The following SYT16 variants were observed in gnomAD, a reference collection of about 807,000 sequenced individuals.
SYT16 encodes synaptotagmin 16.
Under a neutral mutation model 61.4 loss-of-function variants are expected in SYT16, and 42 were observed. That is an observed-to-expected ratio of 0.68 (90% CI 0.53 to 0.89). The LOEUF is 0.89. Ranked by LOEUF, SYT16 falls within the 40% of genes least tolerant of loss-of-function variation. The pLI is 0.00. For synonymous variants in SYT16, 314 were observed against 302.3 expected, an observed-to-expected ratio of 1.04 and a Z score of -0.40; for missense variants, 804 against 807.3, an observed-to-expected ratio of 1.00 and a Z score of 0.05.
At chr14:61,924,342 G>A (rs1384966961) in intron 1 of SYT16, among the ~76,000 whole-genome samples, 1 of 152,166 alleles carries the variant, frequency 6.6e-6, no homozygotes, top group Non-Finnish European at 1.5e-5. Flanking sequence ...CAGCACATTA[G>A]GATATGTAAG....
intron 3 of SYT16, among the ~76,000 whole-genome samples, chr14:62,031,950 T>C (rs1218903223): frequency 6.6e-6 from 1 of 152,150 alleles, no homozygotes; most frequent in South Asian, 2.1e-4. Context: ...CAAGAGGCTG[T>C]AGATACTAAA....
chr14:61,907,147 A>G (rs749536651), intron 1 of SYT16, among the ~76,000 whole-genome samples: 1 of 152,180 alleles, frequency 6.6e-6, no homozygotes, highest in Non-Finnish European at 1.5e-5. Flanking sequence ...AGTTCCTTCA[A>G]TAGCTGCTTG....
intron 1 of SYT16, among the ~76,000 whole-genome samples, chr14:61,847,818 C>T (rs1193780403): frequency 3.9e-5 from 6 of 152,152 alleles, no homozygotes; most frequent in African/African-American, 1.4e-4. Context: ...TCTTTCTTCT[C>T]TTGATTAATT....
chr14:61,894,420 G>A (rs142929519), intron 1 of SYT16, among the ~76,000 whole-genome samples: 38 of 151,918 alleles, frequency 2.5e-4, no homozygotes, highest in African/African-American at 9.2e-4. Context: ...TGCAGCAACT[G>A]TGGTTTAAAA....
intron 1 of SYT16, among the ~76,000 whole-genome samples, chr14:61,938,026 A>ACACACACACACACAC (rs6145369): frequency 2.9e-5 from 4 of 135,666 alleles, no homozygotes; most frequent in South Asian, 2.6e-4. Flanking sequence ...CCTACCCCGC[A>ACACACACACACACAC]ACACACACAC....
chr14:62,044,506 G>T (rs779828562), intron 3 of SYT16, among the ~76,000 whole-genome samples: 2 of 151,884 alleles, frequency 1.3e-5, no homozygotes, highest in Non-Finnish European at 2.9e-5. Flanking sequence ...CTCTGTCCAT[G>T]TGCTCTCATT....
At chr14:62,042,175 C>A (rs1359569046) in intron 3 of SYT16, among the ~76,000 whole-genome samples, 1 of 151,214 alleles carries the variant, frequency 6.6e-6, no homozygotes, top group South Asian at 2.1e-4. Context: ...TTTTCTTTTG[C>A]TTTTTTTTGT....
intron 3 of SYT16, among the ~76,000 whole-genome samples, chr14:62,024,564 C>A (rs1368523703): frequency 4.6e-5 from 7 of 151,962 alleles, no homozygotes; most frequent in African/African-American, 1.7e-4. Context: ...TCTCCATTTT[C>A]CCCCCACTAT....
In SYT16 at chr14:62,110,647, AAT is replaced by A. The variant is rs1167824672; in HGVS notation, c.*9942_*9943del. 1.3e-5 allele frequency: 2 copies of A among 152,126 alleles called. No individual in the cohort carries two copies. Among genetic ancestry groups the A allele is most frequent in the African/African-American group, 4.8e-5 (2 of 41,448 alleles). The allele number at this position is 152,126 out of a possible 1,614,324, so 9.4% of individuals were successfully genotyped here. ...GCTGTTCTGTCTCTGAGGAGCTAGA[AAT>A]AAAATATTAGGTTCTAATTTTTTTT... On this transcript the variant is annotated 3_prime_UTR_variant, in exon 8 of 8. Coordinates refer to ENST00000683842, the MANE Select transcript of SYT16 (RefSeq NM_001367656.1).
At chr14:61,935,649 T>C (rs1225772910) in intron 1 of SYT16, among the ~76,000 whole-genome samples, 1 of 151,954 alleles carries the variant, frequency 6.6e-6, no homozygotes, top group African/African-American at 2.4e-5. Flanking sequence ...CAACCTAGAG[T>C]TTCTCTGGGA....
chr14:62,001,409 T>G (rs1375536807), intron 3 of SYT16, among the ~76,000 whole-genome samples: 1 of 152,116 alleles, frequency 6.6e-6, no homozygotes, highest in Non-Finnish European at 1.5e-5. Flanking sequence ...ACTTTAAGAT[T>G]GCCATTTCAC....
chr14:61,849,085 A>G (rs559444288), intron 1 of SYT16, among the ~76,000 whole-genome samples: 1 of 152,320 alleles, frequency 6.6e-6, no homozygotes, highest in Admixed American at 6.5e-5. Context: ...TTCTGGCCCA[A>G]GCTTGCCTAG....
At chr14:61,861,784 C>G (rs1156886018) in intron 1 of SYT16, among the ~76,000 whole-genome samples, 1 of 152,128 alleles carries the variant, frequency 6.6e-6, no homozygotes, top group Non-Finnish European at 1.5e-5. Flanking sequence ...AAGCAAGTAT[C>G]TCAATAAAGT....
chr14:62,079,668 A>C (rs1217770769), intron 5 of SYT16, among the ~76,000 whole-genome samples: 1 of 152,254 alleles, frequency 6.6e-6, no homozygotes, highest in Non-Finnish European at 1.5e-5. Context: ...GTTCAATTGC[A>C]TAAATAAGAA....
intron 1 of SYT16, among the ~76,000 whole-genome samples, chr14:61,836,451 G>A (rs1172129599): frequency 1.3e-5 from 2 of 152,198 alleles, no homozygotes; most frequent in South Asian, 2.1e-4. Flanking sequence ...GATAGGAGAA[G>A]TTTATATCTT....
chr14:61,916,829 A>G (rs2049140349), intron 1 of SYT16, among the ~76,000 whole-genome samples: 1 of 152,128 alleles, frequency 6.6e-6, no homozygotes, highest in Non-Finnish European at 1.5e-5. Flanking sequence ...ACATATAAGT[A>G]AGAACATGAG....
At chr14:61,952,701 A>G (rs1388163545) in intron 1 of SYT16, among the ~76,000 whole-genome samples, 1 of 152,210 alleles carries the variant, frequency 6.6e-6, no homozygotes, top group Middle Eastern at 3.2e-3. Flanking sequence ...ATTGGTTGCT[A>G]GTGACTCCAT....
rs2048423992 is a variant in SYT16 at position 61,899,118 on chromosome 14, T to A, written c.-324-71014T>A. On this transcript the variant is annotated intron_variant, in intron 1 of 7. Coordinates refer to ENST00000683842, the MANE Select transcript of SYT16 (RefSeq NM_001367656.1). ...GATTTTCATGTATTTTCACATTTAATTCTTTTAATAACTTTGTGAGGCAGG... is the reference window on the plus strand; with the variant it reads ...GATTTTCATGTATTTTCACATTTAAATCTTTTAATAACTTTGTGAGGCAGG... Among the ~76,000 whole-genome samples, 3 of 152,122 alleles carry A rather than the reference T, an allele frequency of 2.0e-5. No homozygotes were observed. The South Asian group carries it at 6.2e-4, about 32-fold the overall frequency.
At chr14:61,990,411 G>C (rs564753152) in intron 2 of SYT16, among the ~76,000 whole-genome samples, 1 of 152,142 alleles carries the variant, frequency 6.6e-6, no homozygotes, top group East Asian at 1.9e-4. Context: ...TATGAGTCTT[G>C]GTGAAGAATG....
Sources: allele counts gnomAD v4.1 joint callset (sites outside exome capture counted in the v4.1 genomes callset), GRCh38; gene constraint gnomAD v4.1.1; transcripts MANE v1.5; gene names NCBI Gene and HGNC (gene_info 2026-07-23, HGNC 2026-07-21).